Variants in ADGRB3 observed in about 807,000 individuals in gnomAD.
ADGRB3 encodes adhesion G protein-coupled receptor B3, also known as brain-specific angiogenesis inhibitor 3.
A neutral mutation model predicts 193.4 loss-of-function variants in ADGRB3; 37 were observed. The ratio of observed to expected loss-of-function variants is 0.19; its 90% confidence interval spans 0.15 to 0.25. The LOEUF (loss-of-function observed/expected upper bound fraction) is 0.25. Ranked by LOEUF, ADGRB3 falls within the 10% of genes least tolerant of loss-of-function variation. ADGRB3 has a pLI of 1.00. For missense variants in ADGRB3, 1,637 were observed against 1,852.9 expected (o/e 0.88, Z 2.14); for synonymous variants, 690 against 644.2 (o/e 1.07, Z -1.08).
intron 26 of ADGRB3, among the ~76,000 whole-genome samples, chr6:69,349,513 G>A (rs931594300): frequency 6.6e-6 from 1 of 152,052 alleles, no homozygotes; most frequent in African/African-American, 2.4e-5. Context: ...TATTAATAAT[G>A]TGAAGTCACT....
chr6:69,363,247 A>G (rs1769490407), intron 29 of ADGRB3, among the ~76,000 whole-genome samples: 1 of 152,026 alleles, frequency 6.6e-6, no homozygotes, highest in South Asian at 2.1e-4. Context: ...AGAGATCACA[A>G]GACTTACATC....
At chr6:69,011,650 A>G (rs2150284271) in intron 11 of ADGRB3, among the ~76,000 whole-genome samples, 1 of 152,216 alleles carries the variant, frequency 6.6e-6, no homozygotes, top group African/African-American at 2.4e-5. Flanking sequence ...TGGAAAAATA[A>G]AGAAAAAAGA....
At chr6:68,889,520 T>G (rs377332920) in intron 3 of ADGRB3, among the ~76,000 whole-genome samples, 2 of 99,158 alleles carry the variant, frequency 2.0e-5, no homozygotes, top group African/African-American at 8.1e-5. Flanking sequence ...TTTTTTTTTT[T>G]GAGACGGCTT....
At chr6:69,351,014 C>A (rs538272239) in intron 26 of ADGRB3, among the ~76,000 whole-genome samples, 1 of 151,864 alleles carries the variant, frequency 6.6e-6, no homozygotes, top group East Asian at 1.9e-4. Context: ...ACTATGAAAT[C>A]TAATCTAATC....
At chr6:69,320,377 A>G (rs1302606256) in intron 20 of ADGRB3, among the ~76,000 whole-genome samples, 1 of 151,380 alleles carries the variant, frequency 6.6e-6, no homozygotes, top group East Asian at 1.9e-4. Flanking sequence ...TATTATTTTA[A>G]GTTCCGGGGG....
chr6:69,049,762 T>A, intron 15 of ADGRB3, among the ~76,000 whole-genome samples: 1 of 152,186 alleles, frequency 6.6e-6, no homozygotes, highest in East Asian at 1.9e-4. Context: ...ATGGTATTGT[T>A]TATTTGCACA....
At position 69,113,656 on chromosome 6, in the gene ADGRB3, T is replaced by C. The variant is rs887238595; in HGVS notation, c.2480+37618T>C. On this transcript the variant is annotated intron_variant, in intron 17 of 31. Transcript: ENST00000370598. ...GAAATTTATATCATTTGTTACAACA[T>C]TTCCTGGCATAAAAGTGTGAGAAAA... Among the ~76,000 whole-genome samples, 6 of 152,292 alleles carry C rather than the reference T, an allele frequency of 3.9e-5. No homozygotes were observed. The East Asian group carries it at 1.2e-3, about 29-fold the overall frequency.
chr6:69,305,940 G>A (rs1447743741), intron 20 of ADGRB3, among the ~76,000 whole-genome samples: 2 of 151,598 alleles, frequency 1.3e-5, no homozygotes, highest in Admixed American at 6.6e-5. Flanking sequence ...AGAATACTAG[G>A]TTGAATCCAG....
intron 3 of ADGRB3, among the ~76,000 whole-genome samples, chr6:68,748,731 C>A (rs1294486026): frequency 6.6e-6 from 1 of 152,148 alleles, no homozygotes; most frequent in East Asian, 1.9e-4. Flanking sequence ...TAGGCAGTGC[C>A]CCAGTAGGGC....
chr6:69,156,542 A>T (rs1347331687), intron 17 of ADGRB3, among the ~76,000 whole-genome samples: 1 of 152,180 alleles, frequency 6.6e-6, no homozygotes, highest in African/African-American at 2.4e-5. Context: ...CTGGGGTCAG[A>T]TCACATGGGG....
At chr6:68,872,402 G>T (rs894729646) in intron 3 of ADGRB3, among the ~76,000 whole-genome samples, 3 of 151,046 alleles carry the variant, frequency 2.0e-5, no homozygotes, top group African/African-American at 7.3e-5. Flanking sequence ...TGTCAAAAAA[G>T]GTATTATTTG....
intron 26 of ADGRB3, among the ~76,000 whole-genome samples, chr6:69,343,100 T>G (rs1016759042): frequency 3.3e-5 from 5 of 151,900 alleles, no homozygotes; most frequent in African/African-American, 1.2e-4. Context: ...ACTATAACTG[T>G]GATATTTTTA....
chr6:69,198,795 G>A (rs1452722891), intron 17 of ADGRB3, among the ~76,000 whole-genome samples: 1 of 152,082 alleles, frequency 6.6e-6, no homozygotes, highest in African/African-American at 2.4e-5. Context: ...ATGAATAAGT[G>A]TGTCAATGAT....
chr6:68,645,655 G>A (rs1167818408), intron 3 of ADGRB3, among the ~76,000 whole-genome samples: 1 of 152,018 alleles, frequency 6.6e-6, no homozygotes, highest in Non-Finnish European at 1.5e-5. Context: ...TTAGGCCCTC[G>A]ATAAATGTCA....
intron 3 of ADGRB3, among the ~76,000 whole-genome samples, chr6:68,884,985 T>A (rs1177319426): frequency 6.6e-6 from 1 of 152,160 alleles, no homozygotes; most frequent in Non-Finnish European, 1.5e-5. Context: ...GGTAGAGAGA[T>A]AAGTCACAAG....
intron 3 of ADGRB3, among the ~76,000 whole-genome samples, chr6:68,798,531 CAGGGGGTG>C (rs1767254162): frequency 2.7e-5 from 1 of 36,416 alleles, no homozygotes; most frequent in South Asian, 6.6e-4. Context: ...TGGGGCCTGT[CAGGGGGTG>C]GGGGGCTAGA....
chr6:68,887,405 T>C (rs975504646), intron 3 of ADGRB3, among the ~76,000 whole-genome samples: 15 of 152,256 alleles, frequency 9.9e-5, no homozygotes, highest in Non-Finnish European at 1.6e-4. Context: ...ATTGGTTTTT[T>C]ATGTTTTTAC....
intron 19 of ADGRB3, among the ~76,000 whole-genome samples, chr6:69,237,739 A>G (rs1198996263): frequency 1.2e-4 from 18 of 152,048 alleles, no homozygotes; most frequent in Admixed American, 9.8e-4. Context: ...CATGGAAGCC[A>G]TTAACATCAA....
rs539894727 is a variant in ADGRB3 at position 69,218,550 on chromosome 6, A to C, written c.2481-14740A>C. ...GATAAGTTACTTTAATGACATCTGC[A>C]TTAACAGCCTAAGAGAAATCACACC... On this transcript the variant is annotated intron_variant, in intron 17 of 31. Transcript: ENST00000370598. 5.3e-5 allele frequency among the ~76,000 whole-genome samples: 8 copies of C among 152,324 alleles called. No homozygotes were observed. The South Asian group carries it at 1.7e-3, about 32-fold the overall frequency.
Sources: allele counts gnomAD v4.1 joint callset (sites outside exome capture counted in the v4.1 genomes callset), GRCh38; gene constraint gnomAD v4.1.1; transcripts MANE v1.5; gene names NCBI Gene and HGNC (gene_info 2026-07-23, HGNC 2026-07-21).